The following PDE9A variants were observed in gnomAD, a reference collection of about 807,000 sequenced individuals.
PDE9A encodes the protein phosphodiesterase 9A.
A neutral mutation model predicts 87.4 loss-of-function variants in PDE9A; 60 were observed. The observed-to-expected ratio is 0.69, with a 90% CI of 0.56 to 0.85. The LOEUF (loss-of-function observed/expected upper bound fraction) is 0.85. Ranked by LOEUF, PDE9A falls within the 40% of genes least tolerant of loss-of-function variation. The probability of loss-of-function intolerance (pLI) is 0.00; values close to 1 mark genes in which losing one functional copy is unlikely to be tolerated. For synonymous variants in PDE9A, 272 were observed against 279.4 expected (o/e 0.97, Z 0.27); for missense variants, 665 against 779.0 (o/e 0.85, Z 1.74).
In PDE9A at chr21:42,753,987, T is replaced by C; in HGVS notation, c.736-3T>C. ...GTTAACACGGAACTCCTGTCCTTTCTAGTACCTGCTCTCTCCAGAGACCAT... is the reference window on the plus strand; with the variant it reads ...GTTAACACGGAACTCCTGTCCTTTCCAGTACCTGCTCTCTCCAGAGACCAT... On this transcript the variant is annotated splice_polypyrimidine_tract_variant and splice_region_variant and intron_variant, in intron 9 of 19. Transcript: ENST00000291539. 6.2e-7 allele frequency: 1 copy of C among 1,606,478 alleles called. No individual in the cohort carries two copies. The highest frequency in any genetic ancestry group is 8.5e-7 in the Non-Finnish European group (1 of 1,173,666).
chr21:42,768,804 C>T, intron 16 of PDE9A: 1 of 985,474 alleles, frequency 1.0e-6, no homozygotes, highest in Non-Finnish European at 1.2e-6. Flanking sequence ...TCCAACTCAC[C>T]TCTGCCTATC....
chr21:42,698,502 GA>G (rs377148338), intron 3 of PDE9A, among the ~76,000 whole-genome samples: 99 of 152,104 alleles, frequency 6.5e-4, no homozygotes, highest in Middle Eastern at 3.4e-3. Context: ...ATGATGGGGG[GA>G]GGGGGGTTGA....
intron 4 of PDE9A, among the ~76,000 whole-genome samples, chr21:42,730,052 A>G (rs896530112): frequency 6.6e-6 from 1 of 152,168 alleles, no homozygotes; most frequent in African/African-American, 2.4e-5. Context: ...CTCTGAGATC[A>G]TTTACTCTCA....
intron 1 of PDE9A, among the ~76,000 whole-genome samples, chr21:42,667,774 G>A (rs2058107071): frequency 1.3e-5 from 2 of 151,882 alleles, no homozygotes; most frequent in Non-Finnish European, 2.9e-5. Context: ...CCCTCCTCCC[G>A]ACCCCCTGCT....
rs994133221 is a variant in PDE9A, at chr21:42,702,522, G to A, written c.262+3511G>A. On this transcript the variant is annotated intron_variant, in intron 4 of 19. Coordinates refer to ENST00000291539, the MANE Select transcript of PDE9A (RefSeq NM_002606.3). The surrounding 1 kb of genome is among the most constrained non-coding windows in gnomAD (Gnocchi z 4.9). ...TTTTCTGATTCTCGTGAATCTAGTA[G>A]ATCTTGATGGAATGCTGATCACAGG... is the stretch of plus-strand genomic sequence containing the variant. Among the ~76,000 whole-genome samples the A allele has an allele frequency of 6.6e-6, 1 of 152,136 alleles. No homozygotes were observed. The highest frequency in any genetic ancestry group is 1.5e-5 in the Non-Finnish European group (1 of 68,028).
At chr21:42,746,623 G>T (rs1442934608) in intron 8 of PDE9A, among the ~76,000 whole-genome samples, 1 of 152,244 alleles carries the variant, frequency 6.6e-6, no homozygotes, top group African/African-American at 2.4e-5. Flanking sequence ...CACCCTCAGA[G>T]GCAGCAGGGT....
intron 6 of PDE9A, 107 bp from the exon 7 acceptor site, chr21:42,733,249 C>G: frequency 2.9e-6 from 2 of 700,922 alleles, no homozygotes; most frequent in East Asian, 2.6e-5. Flanking sequence ...CACCTAGAGG[C>G]CTTGCCCATG....
rs553805224 is a variant in PDE9A, at chr21:42,716,501, T to A, written c.263-15269T>A. On this transcript the variant is annotated intron_variant, in intron 4 of 19. Transcript: ENST00000291539. Reference sequence around the variant, plus strand: ...GTGACATATCATGATAAGCATCTTCTCATATGCCTGCTTGCCATCTGCATG... The same window carrying A: ...GTGACATATCATGATAAGCATCTTCACATATGCCTGCTTGCCATCTGCATG... Among the ~76,000 whole-genome samples the A allele has an allele frequency of 1.3e-4, 19 of 151,854 alleles. 1 individual carries two copies. Among genetic ancestry groups the A allele is most frequent in the South Asian group, 1.1e-3 (5 of 4,724 alleles).
In PDE9A at chr21:42,751,066, A is replaced by G. The variant is rs748552367; in HGVS notation, c.654-50A>G. The G allele has an allele frequency of 1.2e-5, 15 of 1,225,400 alleles. No individual in the cohort carries two copies. In the African/African-American group the frequency reaches 2.2e-4, roughly 18 times the overall value. 75.9% of individuals were successfully genotyped at this position (1,225,400 alleles called of 1,614,324 possible). ...TTGCTTTTGCTGTGCTGAGGGCTTC[A>G]CCAGACTGAAACAGCAGGACCACAG... On this transcript the variant is annotated intron_variant, in intron 8 of 19. Coordinates refer to ENST00000291539, the MANE Select transcript of PDE9A (RefSeq NM_002606.3).
At chr21:42,688,121 G>A (rs183446310) in intron 3 of PDE9A, 127 bp downstream of exon 3, 15 of 776,700 alleles carry the variant, frequency 1.9e-5, no homozygotes, top group East Asian at 5.3e-5. Context: ...GATGGAGAGC[G>A]AGGGTAGGAG....
At chr21:42,773,275 AAAAAGT>A (rs2147242013) in intron 19 of PDE9A, among the ~76,000 whole-genome samples, 1 of 152,032 alleles carries the variant, frequency 6.6e-6, no homozygotes, top group East Asian at 1.9e-4. Flanking sequence ...AAAAAAAAAA[AAAAAGT>A]GAGGCTCTTA....
At chr21:42,743,921 G>A in intron 8 of PDE9A, 61 bp downstream of exon 8, 1 of 954,090 alleles carries the variant, frequency 1.0e-6, no homozygotes. Context: ...GTACCAGTTG[G>A]GCTGGGGCTG....
intron 9 of PDE9A, 54 bp from the exon 10 acceptor site, chr21:42,753,936 T>A (rs1241046882): frequency 2.3e-6 from 2 of 869,206 alleles, no homozygotes; most frequent in Admixed American, 3.9e-5. Flanking sequence ...AGCATGCACA[T>A]CACTGTCACA....
chr21:42,770,924 CGT>C, intron 18 of PDE9A, 126 bp downstream of exon 18: 2 of 655,598 alleles, frequency 3.1e-6, no homozygotes, highest in Non-Finnish European at 5.4e-6. Flanking sequence ...GACAGGCACA[CGT>C]GTACCTTCCA....
chr21:42,707,075 G>A (rs564385669), intron 4 of PDE9A, among the ~76,000 whole-genome samples: 2 of 152,220 alleles, frequency 1.3e-5, no homozygotes, highest in Admixed American at 1.3e-4. Context: ...AAAGGCTCTT[G>A]TGAATGATGC....
At chr21:42,677,240 A>G (rs2058894646) in intron 1 of PDE9A, among the ~76,000 whole-genome samples, 1 of 152,248 alleles carries the variant, frequency 6.6e-6, no homozygotes, top group Non-Finnish European at 1.5e-5. Context: ...AGCTCTGTAA[A>G]AATTGTTGCT....
intron 7 of PDE9A, 82 bp from the exon 8 acceptor site, chr21:42,743,694 G>A: frequency 1.2e-6 from 1 of 848,488 alleles, no homozygotes; most frequent in Non-Finnish European, 1.9e-6. Flanking sequence ...GGGAGCCACA[G>A]GGAGCCCTTA....
chr21:42,753,426 G>A (rs372093625), intron 9 of PDE9A, among the ~76,000 whole-genome samples: 5 of 152,284 alleles, frequency 3.3e-5, no homozygotes, highest in East Asian at 1.9e-4. Flanking sequence ...CCACAAGCGA[G>A]ATATGGAACA....
intron 1 of PDE9A, among the ~76,000 whole-genome samples, chr21:42,661,993 C>A (rs965050818): frequency 4.6e-5 from 7 of 152,208 alleles, no homozygotes; most frequent in African/African-American, 1.7e-4. Flanking sequence ...AGCCCAGCAG[C>A]TGTGTGGCCT....
Sources: allele counts gnomAD v4.1 joint callset (sites outside exome capture counted in the v4.1 genomes callset), GRCh38; gene constraint gnomAD v4.1.1; non-coding constraint Gnocchi (gnomAD v3.1); transcripts MANE v1.5; gene names NCBI Gene and HGNC (gene_info 2026-07-23, HGNC 2026-07-21).